The following DOCK8 variants were observed in gnomAD, a reference collection of about 807,000 sequenced individuals.
DOCK8 encodes the protein dedicator of cytokinesis protein 8.
A neutral mutation model predicts 245.6 loss-of-function variants in DOCK8; 141 were observed. The ratio of observed to expected loss-of-function variants is 0.57; its 90% CI spans 0.50 to 0.66. The LOEUF is 0.66. Ranked by LOEUF, DOCK8 falls within the 30% of genes least tolerant of loss-of-function variation. The pLI is 0.00. For missense variants in DOCK8, 2,965 were observed against 2,603.4 expected (o/e 1.14, Z -3.02); for synonymous variants, 1,168 against 970.2 (o/e 1.20, Z -3.79).
intron 8 of DOCK8, among the ~76,000 whole-genome samples, chr9:325,955 G>A (rs763628212): frequency 3.9e-5 from 6 of 152,316 alleles, no homozygotes; most frequent in Non-Finnish European, 8.8e-5. Flanking sequence ...GCTACTGGAG[G>A]TGCTGGCCTG....
chr9:441,765 C>T (rs1336581997), intron 41 of DOCK8, 110 bp from the exon 42 acceptor site: 5 of 1,374,152 alleles, frequency 3.6e-6, no homozygotes, highest in Non-Finnish European at 5.1e-6. Context: ...TTACATCAGC[C>T]ATAGGAGTAA....
intron 18 of DOCK8, among the ~76,000 whole-genome samples, chr9:373,979 C>A: frequency 6.6e-6 from 1 of 152,144 alleles, no homozygotes; most frequent in Admixed American, 6.5e-5. Flanking sequence ...AATCTGTGTC[C>A]AAAGTCTAGA....
At chr9:400,013 T>A in intron 26 of DOCK8, among the ~76,000 whole-genome samples, 2 of 45,730 alleles carry the variant, frequency 4.4e-5, no homozygotes, top group Non-Finnish European at 8.1e-5. Flanking sequence ...ACCTCCACCA[T>A]CACCACCACC....
chr9:349,302 C>G (rs772905100), intron 14 of DOCK8, among the ~76,000 whole-genome samples: 33 of 147,442 alleles, frequency 2.2e-4, no homozygotes, highest in Middle Eastern at 3.6e-3. Context: ...CAGAAAGATT[C>G]TAAAACTTTC....
At chr9:327,988 C>A (rs1174900005) in intron 8 of DOCK8, 34 bp from the exon 9 acceptor site, 14 of 1,604,360 alleles carry the variant, frequency 8.7e-6, no homozygotes, top group African/African-American at 2.7e-5. Context: ...TGCAACAGGT[C>A]TAACTTATAT....
chr9:222,981 A>G (rs2046917803), intron 1 of DOCK8, among the ~76,000 whole-genome samples: 1 of 152,194 alleles, frequency 6.6e-6, no homozygotes, highest in Non-Finnish European at 1.5e-5. Flanking sequence ...TACATAACTC[A>G]TTGTATGTGT....
intron 26 of DOCK8, among the ~76,000 whole-genome samples, chr9:400,126 TTCACCA>T (rs2054750979): frequency 8.3e-5 from 4 of 48,130 alleles, no homozygotes; most frequent in African/African-American, 5.3e-4. Flanking sequence ...CACCAGCATC[TTCACCA>T]TCACCACCAC....
At chr9:218,079 T>C (rs76569213) in intron 1 of DOCK8, among the ~76,000 whole-genome samples, 2,004 of 152,326 alleles carry the variant, frequency 0.013, 43 homozygotes, top group African/African-American at 0.045. Flanking sequence ...ATGTGATGTT[T>C]TGCAATGTTG....
Position 338,677 on chromosome 9 carries a change from C to T in DOCK8, c.1423-329C>T, listed in dbSNP as rs78677109. Reference sequence around the variant, plus strand: ...AAAGTAAACTTATTCTGTATTGTTCCGGGGGGTAATACTGGCATCAGAGGG... The same window carrying T: ...AAAGTAAACTTATTCTGTATTGTTCTGGGGGGTAATACTGGCATCAGAGGG... On this transcript the variant is annotated intron_variant, in intron 12 of 47. Transcript: ENST00000432829. 5.0e-3 allele frequency among the ~76,000 whole-genome samples: 763 copies of T among 151,842 alleles called. 5 individuals are homozygous for T. The highest frequency in any genetic ancestry group is 0.017 in the African/African-American group (718 of 41,304).
chr9:396,986 T>A (rs769181692), intron 25 of DOCK8, 52 bp downstream of exon 25: 1 of 1,548,186 alleles, frequency 6.5e-7, no homozygotes, highest in Non-Finnish European at 8.9e-7. Flanking sequence ...GAACATATAT[T>A]ACTTTCATAA....
At chr9:342,206 C>T (rs1467116178) in intron 14 of DOCK8, among the ~76,000 whole-genome samples, 1 of 151,972 alleles carries the variant, frequency 6.6e-6, no homozygotes, top group Non-Finnish European at 1.5e-5. Flanking sequence ...GAAACCAGTC[C>T]CTGGTGCCAA....
chr9:428,706 G>A lies in DOCK8; in HGVS notation c.4473+210G>A, dbSNP rs2297082. Among the ~76,000 whole-genome samples the A allele has an allele frequency of 0.4, 61,367 of 152,054 alleles. 14,817 individuals carry two copies. Among genetic ancestry groups the A allele is most frequent in the Non-Finnish European group, 0.55 (37,356 of 67,960 alleles). On this transcript the variant is annotated intron_variant, in intron 35 of 47. Coordinates refer to ENST00000432829, the MANE Select transcript of DOCK8 (RefSeq NM_203447.4). ...AAAAGCAGTGGCTCCCATATTTGAA[G>A]TGTGGACCTAACTCTAGAAGTTTAA...
chr9:224,950 A>G (rs902648812), intron 1 of DOCK8, among the ~76,000 whole-genome samples: 1 of 152,184 alleles, frequency 6.6e-6, no homozygotes, highest in African/African-American at 2.4e-5. Flanking sequence ...ACCTGTTGAC[A>G]TGCTGGCTGG....
chr9:452,054 C>T lies in DOCK8; in HGVS notation c.6005C>T (p.Ala2002Val). The stretch of plus-strand genomic sequence containing the variant: ...CAAGTGTTTTTGGCTGAAATTCCTG[C>T]TGATCCAAAACTCTATCGACATCAC... Reference protein sequence around the residue: ...VAQVFLAEIPADPKLYRHHNK... With the variant: ...VAQVFLAEIPVDPKLYRHHNK... The change falls in exon 46 of 48, where the codon GCT becomes GTT. Residue 2002 changes from alanine (A) to valine (V), a missense_variant. Physicochemically the swap from Ala to Val is moderately conservative, Grantham distance 64. This residue lies in a region of DOCK8 where 134 missense variants were observed against 128.1 expected (regional missense o/e 1.05). Transcript: ENST00000432829. 1.3e-5 allele frequency: 20 copies of T among 1,594,640 alleles called. No homozygotes were observed. The highest frequency in any genetic ancestry group is 3.4e-5 in the Admixed American group (2 of 58,110).
chr9:241,460 A>G (rs1302395440), intron 1 of DOCK8, among the ~76,000 whole-genome samples: 1 of 152,142 alleles, frequency 6.6e-6, no homozygotes, highest in East Asian at 1.9e-4. Context: ...TAGCTTCTGC[A>G]TGTGAGTGAG....
intron 9 of DOCK8, among the ~76,000 whole-genome samples, chr9:329,397 A>G (rs2050906108): frequency 6.6e-6 from 1 of 152,162 alleles, no homozygotes; most frequent in Non-Finnish European, 1.5e-5. Context: ...TGGATTCCAA[A>G]TAATTCAGGT....
intron 9 of DOCK8, among the ~76,000 whole-genome samples, chr9:328,541 C>T (rs2050863019): frequency 6.6e-6 from 1 of 152,152 alleles, no homozygotes; most frequent in South Asian, 2.1e-4. Context: ...CACCCTTCTC[C>T]TAATTAAGGA....
At chr9:299,315 A>G (rs785857) in intron 4 of DOCK8, among the ~76,000 whole-genome samples, 92,415 of 152,026 alleles carry the variant, frequency 0.61, 28,292 homozygotes, top group East Asian at 0.76. Context: ...GCAGGTTTAT[A>G]AAATCCGTGT....
chr9:362,980 G>C (rs2052798471), intron 14 of DOCK8, among the ~76,000 whole-genome samples: 1 of 152,210 alleles, frequency 6.6e-6, no homozygotes, highest in African/African-American at 2.4e-5. Context: ...TGATCTAAAA[G>C]TGACCAGACT....
Sources: allele counts gnomAD v4.1 joint callset (sites outside exome capture counted in the v4.1 genomes callset), GRCh38; gene constraint gnomAD v4.1.1; regional missense constraint gnomAD v4.1.1; transcripts MANE v1.5; gene names NCBI Gene and HGNC (gene_info 2026-07-23, HGNC 2026-07-21).